Variants in MED24 observed in about 807,000 individuals in gnomAD.
The protein encoded by MED24 is mediator of RNA polymerase II transcription subunit 24.
Under a neutral mutation model 118.8 loss-of-function variants are expected in MED24, and 74 were observed. The observed-to-expected ratio is 0.62, with a 90% CI of 0.52 to 0.76. The LOEUF is 0.76. Ranked by LOEUF, MED24 falls within the 30% of genes least tolerant of loss-of-function variation. The pLI is 0.00. For synonymous variants in MED24, 521 were observed against 523.9 expected (o/e 0.99, Z 0.08); for missense variants, 1,041 against 1,278.9 (o/e 0.81, Z 2.84).
chr17:40,038,626 G>A (rs183018995), intron 3 of MED24, among the ~76,000 whole-genome samples: 2 of 151,058 alleles, frequency 1.3e-5, no homozygotes, highest in African/African-American at 4.9e-5. Flanking sequence ...CAGGAGAATC[G>A]CTTGAACCCA....
chr17:40,029,115 C>A (rs1983066140), intron 13 of MED24, 147 bp from the exon 14 acceptor site: 18 of 1,055,008 alleles, frequency 1.7e-5, no homozygotes, highest in Non-Finnish European at 5.4e-6. Context: ...CTAAAACCCA[C>A]CCCTGCTCTC....
chr17:40,020,346 T>A lies in MED24; in HGVS notation c.2631A>T (p.Arg877=), dbSNP rs755199620. The change falls in exon 24 of 26, where the codon CGA becomes CGT. Residue 877 remains arginine, a synonymous_variant. Transcript: ENST00000394128. ...DANILSSPTD[R]SMSSSLSASQ... Reference sequence around the variant, plus strand: ...AGGCTGAGAGGGAGCTGCTCATGGATCGGTCTGCTGTGGGACGGAGCAGAT... The same window carrying A: ...AGGCTGAGAGGGAGCTGCTCATGGAACGGTCTGCTGTGGGACGGAGCAGAT... 20 of 1,597,622 alleles carry A rather than the reference T, an allele frequency of 1.3e-5. No homozygotes were observed. Among genetic ancestry groups the A allele is most frequent in the Non-Finnish European group, 1.7e-6 (2 of 1,172,098 alleles).
At chr17:40,026,118 C>T (rs1294782596) in intron 19 of MED24, 38 bp downstream of exon 19, 5 of 1,588,484 alleles carry the variant, frequency 3.1e-6, no homozygotes, top group Non-Finnish European at 4.3e-6. Flanking sequence ...TCTCACAACA[C>T]ACTTGAAGGG....
intron 19 of MED24, among the ~76,000 whole-genome samples, chr17:40,025,752 A>G (rs1237089770): frequency 1.3e-5 from 2 of 152,204 alleles, no homozygotes; most frequent in Non-Finnish European, 2.9e-5. Flanking sequence ...TCACCAGGGA[A>G]GTCCTCCAAG....
chr17:40,033,370 C>T lies in MED24; in HGVS notation c.646G>A (p.Glu216Lys), dbSNP rs758651470. ...CTCCTAATGAGGGTGCCACACTGCT[C>T]GGCCTGACTCCGGAGCTGCGGGTTG... ...LSNPQLRSQA[E>K]QCGTLIRSIP... Residue 216 changes from glutamate (E) to lysine (K), a missense_variant, in exon 7 of 26, where the codon GAG becomes AAG. This residue lies in a region of MED24 where 434 missense variants were observed against 514.9 expected (regional missense o/e 0.84). Coordinates refer to ENST00000394128, the MANE Select transcript of MED24 (RefSeq NM_014815.4). The surrounding 1 kb of genome is among the most constrained non-coding windows in gnomAD (Gnocchi z 5.2). The T allele has an allele frequency of 7.4e-6, 12 of 1,612,772 alleles. No individual in the cohort carries two copies. The highest frequency in any genetic ancestry group is 1.6e-4 in the Middle Eastern group (1 of 6,084).
chr17:40,053,376 C>T lies in MED24; in HGVS notation c.135G>A (p.Ala45=), dbSNP rs142886434. Reference sequence around the variant, plus strand: ...GTCCAATCATGGCCTGCTCTAGTAACGCATCTGCAAGAGGAATAGCAAAAC... The same window carrying T: ...GTCCAATCATGGCCTGCTCTAGTAATGCATCTGCAAGAGGAATAGCAAAAC... ...ATWDILNLAD[A]LLEQAMIGPS... Residue 45 remains alanine, a synonymous_variant, in exon 3 of 26, where the codon GCG becomes GCA. Transcript: ENST00000394128. 1.1e-5 allele frequency: 17 copies of T among 1,613,060 alleles called. No individual in the cohort carries two copies. In the Admixed American group the frequency reaches 1.7e-4, roughly 16 times the overall value.
At chr17:40,029,665 CCT>C in intron 13 of MED24, 81 bp downstream of exon 13, 1 of 1,319,846 alleles carries the variant, frequency 7.6e-7, no homozygotes. Flanking sequence ...AGGTCTGTGG[CCT>C]CTGTTTATTT....
At chr17:40,040,672 G>A (rs1228627096) in intron 3 of MED24, among the ~76,000 whole-genome samples, 1 of 149,766 alleles carries the variant, frequency 6.7e-6, no homozygotes, top group East Asian at 1.9e-4. Context: ...AGGCTGGAGT[G>A]CAGTAGCGCG....
At chr17:40,036,210 G>A in intron 3 of MED24, 56 bp from the exon 4 acceptor site, 1 of 1,529,540 alleles carries the variant, frequency 6.5e-7, no homozygotes, top group Non-Finnish European at 9.1e-7. Context: ...CAGTTGAGAG[G>A]AACAAACACT....
At chr17:40,032,010 G>A in intron 10 of MED24, 33 bp downstream of exon 10, 1 of 1,607,216 alleles carries the variant, frequency 6.2e-7, no homozygotes. Context: ...CCTTATTTCT[G>A]CTCCCATGCC....
chr17:40,026,413 C>T, intron 18 of MED24, 82 bp from the exon 19 acceptor site: 2 of 1,529,858 alleles, frequency 1.3e-6, no homozygotes, highest in Non-Finnish European at 1.8e-6. Context: ...CTGCGGGCAG[C>T]TAAGTGCAGC....
chr17:40,048,102 T>C (rs1985446671), intron 3 of MED24, among the ~76,000 whole-genome samples: 1 of 152,280 alleles, frequency 6.6e-6, no homozygotes, highest in African/African-American at 2.4e-5. Context: ...ATGTGACGCC[T>C]CCACTTAAAA....
chr17:40,019,270 CAG>C lies in MED24; in HGVS notation c.*257_*258del, dbSNP rs1981649807. ...ACTCCTGGGCTGGGGCGGGCGCACA[CAG>C]GGGTGACCACTGGGCTTGTGGTCCA... On this transcript the variant is annotated 3_prime_UTR_variant, in exon 26 of 26. Coordinates refer to ENST00000394128, the MANE Select transcript of MED24 (RefSeq NM_014815.4). 2 of 513,492 alleles carry C rather than the reference CAG, an allele frequency of 3.9e-6. No homozygotes were observed. Among genetic ancestry groups the C allele is most frequent in the South Asian group, 2.6e-5 (1 of 38,738 alleles). 31.8% of individuals were successfully genotyped at this position (513,492 alleles called of 1,614,324 possible).
chr17:40,039,423 T>C (rs558808929), intron 3 of MED24, among the ~76,000 whole-genome samples: 1 of 152,288 alleles, frequency 6.6e-6, no homozygotes, highest in East Asian at 1.9e-4. Context: ...AAATCCTCTC[T>C]GCTCTTCTGA....
intron 24 of MED24, 31 bp downstream of exon 24, chr17:40,020,242 C>A (rs780329476): frequency 6.1e-6 from 9 of 1,487,102 alleles, no homozygotes; most frequent in Non-Finnish European, 7.2e-6. Flanking sequence ...CAGCTTAGCC[C>A]CAGGTTCGGC....
At chr17:40,035,531 T>A (rs1315771789) in intron 5 of MED24, among the ~76,000 whole-genome samples, 182 bp from the exon 6 acceptor site, 1 of 151,978 alleles carries the variant, frequency 6.6e-6, no homozygotes, top group African/African-American at 2.4e-5. Context: ...AATGAGCTAC[T>A]CCAGACAGAG....
chr17:40,035,637 C>A, intron 5 of MED24, 85 bp downstream of exon 5: 1 of 1,458,644 alleles, frequency 6.9e-7, no homozygotes, highest in South Asian at 1.2e-5. Context: ...CGGAGTTGGT[C>A]TCGGTCTGTG....
At chr17:40,044,463 T>C (rs1984934738) in intron 3 of MED24, among the ~76,000 whole-genome samples, 3 of 151,192 alleles carry the variant, frequency 2.0e-5, no homozygotes, top group African/African-American at 7.3e-5. Flanking sequence ...GAGGTTGCAG[T>C]GAGCCAAGAT....
At chr17:40,027,795 G>A (rs1982871220) in intron 15 of MED24, 114 bp downstream of exon 15, 3 of 1,164,918 alleles carry the variant, frequency 2.6e-6, no homozygotes, top group Non-Finnish European at 3.8e-6. Flanking sequence ...ATGGCTCTGA[G>A]GAGGGAGCAC....
Sources: gnomAD v4.1 joint callset for allele counts (sites outside exome capture counted in the v4.1 genomes callset) on GRCh38, gnomAD v4.1.1 for gene constraint, gnomAD v4.1.1 regional missense constraint, Gnocchi (gnomAD v3.1) non-coding constraint, MANE v1.5 for transcripts, NCBI Gene and HGNC (gene_info 2026-07-23, HGNC 2026-07-21) for gene names.